ITGA3: variants seen among roughly 807,000 people sequenced by gnomAD.
ITGA3 encodes integrin alpha-3.
A neutral mutation model predicts 131.1 loss-of-function variants in ITGA3; 70 were observed. The ratio of observed to expected loss-of-function variants is 0.53; its 90% CI spans 0.44 to 0.65. The LOEUF is 0.65. Ranked by LOEUF, ITGA3 falls within the 30% of genes least tolerant of loss-of-function variation. ITGA3 has a pLI of 0.00. For missense variants in ITGA3, 1,098 were observed against 1,388.6 expected (o/e 0.79, Z 3.33); for synonymous variants, 537 against 571.6 (o/e 0.94, Z 0.86).
At chr17:50,075,104 A>G (rs1182449637) in intron 10 of ITGA3, among the ~76,000 whole-genome samples, 1 of 152,230 alleles carries the variant, frequency 6.6e-6, no homozygotes, top group African/African-American at 2.4e-5. Flanking sequence ...AGACAAAGGC[A>G]GACAGAGCAG....
In ITGA3 at chr17:50,075,697, C is replaced by G; in HGVS notation, c.1636C>G (p.Pro546Ala). ...TGTCTTCCACGGCTTCTTCTCCATG[C>G]CCGAGATGCGCTGCCAGAAGCTGGA... ...SAVFHGFFSM[P>A]EMRCQKLELL... The change falls in exon 12 of 26, where the codon CCC (proline) becomes GCC (alanine). Residue 546 changes from proline to alanine, a missense_variant. Pro to Ala is a conservative substitution (Grantham distance 27, BLOSUM62 -1). Coordinates refer to ENST00000320031, the MANE Select transcript of ITGA3 (RefSeq NM_002204.4). The G allele has an allele frequency of 6.2e-7, 1 of 1,614,120 alleles. No individual in the cohort carries two copies. The highest frequency in any genetic ancestry group is 8.5e-7 in the Non-Finnish European group (1 of 1,179,994).
intron 10 of ITGA3, 123 bp from the exon 11 acceptor site, chr17:50,075,334 CCA>C (rs1318696267): frequency 3.3e-6 from 3 of 908,250 alleles, no homozygotes; most frequent in Admixed American, 2.0e-5. Flanking sequence ...TGTGGACTCC[CCA>C]GTTTTGTCCC....
intron 23 of ITGA3, among the ~76,000 whole-genome samples, chr17:50,085,977 GA>G (rs1410845306): frequency 6.8e-5 from 4 of 59,188 alleles, no homozygotes; most frequent in African/African-American, 1.2e-4. Flanking sequence ...ACATATTATA[GA>G]TTTATAATAT....
At chr17:50,061,085 TA>T (rs1908055159) in intron 1 of ITGA3, among the ~76,000 whole-genome samples, 1 of 151,720 alleles carries the variant, frequency 6.6e-6, no homozygotes, top group African/African-American at 2.4e-5. Context: ...CAGAGGGCCT[TA>T]AAGGGCCTCT....
At chr17:50,061,307 G>A (rs752832332) in intron 1 of ITGA3, among the ~76,000 whole-genome samples, 3 of 152,058 alleles carry the variant, frequency 2.0e-5, no homozygotes, top group African/African-American at 4.8e-5. Flanking sequence ...ATTGACATGC[G>A]TGCCCAGCTC....
chr17:50,071,729 T>G, intron 6 of ITGA3: 1 of 619,884 alleles, frequency 1.6e-6, no homozygotes, highest in Admixed American at 2.9e-5. Flanking sequence ...TTGGGATTTG[T>G]ATGCTCCAGT....
chr17:50,075,658 G>A lies in ITGA3; in HGVS notation c.1597G>A (p.Gly533Ser), dbSNP rs377600580. ...CCGGCCGCCCCGGCTCCGCTTTGCC[G>A]GCAGTGAGTCCGCTGTCTTCCACGG... is the stretch of plus-strand genomic sequence containing the variant. ...DRRPPRLRFA[G>S]SESAVFHGFF... Residue 533 changes from glycine to serine, a missense_variant, in exon 12 of 26, where the codon GGC becomes AGC. By Grantham distance (56) the Gly-to-Ser change is moderately conservative. Coordinates refer to ENST00000320031, the MANE Select transcript of ITGA3 (RefSeq NM_002204.4). The A allele has an allele frequency of 5.9e-5, 95 of 1,614,100 alleles. No individual in the cohort carries two copies. Among genetic ancestry groups the A allele is most frequent in the Non-Finnish European group, 7.4e-5 (87 of 1,180,058 alleles).
At position 50,079,251 on chromosome 17, in the gene ITGA3, CTCTT is replaced by C; in HGVS notation, c.2580_2583del (p.Ser861ThrfsTer41). The C allele has an allele frequency of 6.2e-7, 1 of 1,613,978 alleles. No individual in the cohort carries two copies. Among genetic ancestry groups the C allele is most frequent in the Non-Finnish European group, 8.5e-7 (1 of 1,179,880 alleles). ...GACCTTATCAACCCTCTCAACCTCA[CTCTT>C]TCTGTAAGGACACTATCAGGGATAT... On this transcript the variant is annotated frameshift_variant, in exon 20 of 26. Transcript: ENST00000320031. LOFTEE classifies it high-confidence loss of function.
At chr17:50,083,488 T>A (rs1002545490) in intron 23 of ITGA3, among the ~76,000 whole-genome samples, 10 of 151,808 alleles carry the variant, frequency 6.6e-5, no homozygotes, top group African/African-American at 2.4e-4. Context: ...CTTTGGAGAC[T>A]GAGGCAGGCA....
intron 10 of ITGA3, 57 bp downstream of exon 10, chr17:50,074,591 TGCA>T: frequency 1.6e-6 from 2 of 1,262,176 alleles, no homozygotes. Context: ...TAGGAGGGGC[TGCA>T]GCTCCCAAAC....
Position 50,074,395 on chromosome 17 carries a change from G to A in ITGA3, c.1383-53G>A. 5 of 1,599,554 alleles carry A rather than the reference G, an allele frequency of 3.1e-6. No homozygotes were observed. In the East Asian group the frequency reaches 1.1e-4, roughly 36 times the overall value. The stretch of plus-strand genomic sequence containing the variant: ...CTTGGAAGCCTGGGCCCCAACTCTG[G>A]CCTGGGGCAGGCAGGAGGCACTGAT... On this transcript the variant is annotated intron_variant, in intron 9 of 25. Coordinates refer to ENST00000320031, the MANE Select transcript of ITGA3 (RefSeq NM_002204.4).
intron 9 of ITGA3, 79 bp from the exon 10 acceptor site, chr17:50,074,369 C>T: frequency 6.3e-7 from 1 of 1,597,920 alleles, no homozygotes; most frequent in Non-Finnish European, 8.6e-7. Flanking sequence ...TGCGCTAGCT[C>T]CTTGGAAGCC....
chr17:50,086,296 T>TTATATATATTA lies in ITGA3; in HGVS notation c.2920-1439_2920-1438insTATATATATAT, dbSNP rs1313693188. The TTATATATATTA allele has an allele frequency of 2.1e-5, 3 of 142,854 alleles. No homozygotes were observed. The South Asian group carries it at 6.4e-4, about 31-fold the overall frequency. 8.8% of individuals were successfully genotyped at this position (142,854 alleles called of 1,614,324 possible). A position where few individuals can be genotyped will look rare whatever the true frequency, so the allele number is the denominator to read the frequency against. On this transcript the variant is annotated intron_variant, in intron 23 of 25. Coordinates refer to ENST00000320031, the MANE Select transcript of ITGA3 (RefSeq NM_002204.4). ...ATACATGTATAATATATATATTAGA[T>TTATATATATTA]TATATATATAACTGGGAACCTTTAG...
At chr17:50,074,079 C>G in intron 8 of ITGA3, 65 bp from the exon 9 acceptor site, 1 of 1,555,072 alleles carries the variant, frequency 6.4e-7, no homozygotes, top group Non-Finnish European at 8.9e-7. Flanking sequence ...TCACCCAACC[C>G]TTCCCTGTAG....
intron 1 of ITGA3, among the ~76,000 whole-genome samples, chr17:50,057,619 G>T (rs1907890829): frequency 1.3e-5 from 2 of 152,230 alleles, no homozygotes; most frequent in South Asian, 4.1e-4. Flanking sequence ...AAGAGGGACG[G>T]TGTTTAGGAC....
chr17:50,061,131 G>C (rs550336066), intron 1 of ITGA3, among the ~76,000 whole-genome samples: 2 of 152,256 alleles, frequency 1.3e-5, no homozygotes, highest in East Asian at 1.9e-4. Flanking sequence ...ATACTCTGGG[G>C]GGGTGAAGCG....
Position 50,078,933 on chromosome 17 carries a change from G to A in ITGA3, c.2400+7G>A, listed in dbSNP as rs371199306. The A allele has an allele frequency of 4.7e-4, 739 of 1,583,746 alleles. 8 individuals are homozygous for A. The South Asian group carries it at 7.6e-3, about 16-fold the overall frequency. On this transcript the variant is annotated splice_region_variant and intron_variant, in intron 19 of 25. Transcript: ENST00000320031. ...CCTCAAGTATGAATTCCAGGTAAGG[G>A]GCTCGCCAGAGTCCTGGGCTGGGGA...
chr17:50,062,857 G>A (rs964023520), intron 1 of ITGA3, among the ~76,000 whole-genome samples: 3 of 152,256 alleles, frequency 2.0e-5, no homozygotes, highest in Non-Finnish European at 2.9e-5. Flanking sequence ...GGGCACCTGG[G>A]AGGTGCCTGC....
intron 5 of ITGA3, 146 bp from the exon 6 acceptor site, chr17:50,071,165 A>G (rs1908609851): frequency 1.3e-6 from 1 of 774,140 alleles, no homozygotes; most frequent in Admixed American, 2.4e-5. Flanking sequence ...GCTGCTGGCC[A>G]TCTGGAGTCT....
Sources: allele counts gnomAD v4.1 joint callset (sites outside exome capture counted in the v4.1 genomes callset), GRCh38; gene constraint gnomAD v4.1.1; transcripts MANE v1.5; gene names NCBI Gene and HGNC (gene_info 2026-07-23, HGNC 2026-07-21).